The following ELOVL5 variants were observed in gnomAD, a reference collection of about 807,000 sequenced individuals.
ELOVL5 encodes the protein ELOVL fatty acid elongase 5, also known as very long chain fatty acid elongase 5.
A neutral mutation model predicts 38.6 loss-of-function variants in ELOVL5; 8 were observed. The ratio of observed to expected loss-of-function variants is 0.21; its 90% CI spans 0.12 to 0.37. The LOEUF (loss-of-function observed/expected upper bound fraction) is 0.37, where lower values mean the gene tolerates loss of function less well. Among genes scored for constraint, ELOVL5 ranks in the 10% least tolerant of loss-of-function variants. The pLI, the probability that ELOVL5 is intolerant of heterozygous loss-of-function variation, is 1.00. For synonymous variants in ELOVL5, 127 were observed against 133.7 expected (o/e 0.95, Z 0.34); for missense variants, 280 against 367.8 (o/e 0.76, Z 1.95).
intron 1 of ELOVL5, among the ~76,000 whole-genome samples, chr6:53,295,958 T>C (rs1020749148): frequency 6.6e-6 from 1 of 152,298 alleles, no homozygotes; most frequent in African/African-American, 2.4e-5. Context: ...CTTCTTTTCT[T>C]AGTTCCATAA....
intron 1 of ELOVL5, among the ~76,000 whole-genome samples, chr6:53,321,306 G>A (rs886230826): frequency 2.0e-5 from 3 of 152,290 alleles, no homozygotes; most frequent in African/African-American, 7.2e-5. Context: ...CACCATCCAC[G>A]GTTCTGCATT....
At chr6:53,291,725 CAATATGA>C in intron 3 of ELOVL5, 44 bp downstream of exon 3, 3 of 1,461,486 alleles carry the variant, frequency 2.1e-6, no homozygotes, top group Non-Finnish European at 2.8e-6. Context: ...TTTAGGACAG[CAATATGA>C]GTGCATTTAT....
chr6:53,287,758 G>C, intron 3 of ELOVL5: 1 of 982,024 alleles, frequency 1.0e-6, no homozygotes. Context: ...TAACAGATCG[G>C]CTAAGAAAGG....
chr6:53,338,861 T>C (rs1769198684), intron 1 of ELOVL5, among the ~76,000 whole-genome samples: 1 of 152,214 alleles, frequency 6.6e-6, no homozygotes, highest in South Asian at 2.1e-4. Flanking sequence ...TTCTCCAACC[T>C]AATTTGTGCA....
At chr6:53,345,916 T>G (rs1379710019) in intron 1 of ELOVL5, among the ~76,000 whole-genome samples, 1 of 152,204 alleles carries the variant, frequency 6.6e-6, no homozygotes, top group Non-Finnish European at 1.5e-5. Context: ...TCTTCCACTT[T>G]AAGTTATGCG....
intron 1 of ELOVL5, among the ~76,000 whole-genome samples, chr6:53,310,957 T>G (rs2127582697): frequency 6.6e-6 from 1 of 152,312 alleles, no homozygotes; most frequent in East Asian, 1.9e-4. Context: ...TTTTTCAGCT[T>G]AAAGGATTCT....
chr6:53,292,568 A>C (rs1766815517), intron 2 of ELOVL5, among the ~76,000 whole-genome samples: 1 of 152,248 alleles, frequency 6.6e-6, no homozygotes, highest in Non-Finnish European at 1.5e-5. Flanking sequence ...AGGCGGGTGG[A>C]TCACCTGAAG....
At chr6:53,346,024 G>A (rs567646230) in intron 1 of ELOVL5, among the ~76,000 whole-genome samples, 3 of 152,120 alleles carry the variant, frequency 2.0e-5, no homozygotes, top group East Asian at 1.9e-4. Context: ...TAAGCCCTGC[G>A]TGCATTAGGA....
chr6:53,311,654 AAAGG>A lies in ELOVL5; in HGVS notation c.-8-15951_-8-15948del, dbSNP rs147371403. Among the ~76,000 whole-genome samples the A allele has an allele frequency of 4.3e-3, 659 of 152,354 alleles. 7 individuals are homozygous for A. Among genetic ancestry groups the A allele is most frequent in the African/African-American group, 0.015 (636 of 41,586 alleles). On this transcript the variant is annotated intron_variant, in intron 1 of 7. Coordinates refer to ENST00000304434, the MANE Select transcript of ELOVL5 (RefSeq NM_021814.5). ...ACAATGGAATGTTATTTGGCCATTA[AAAGG>A]AAGACAGTACTGACATTTGCTATAT...
At chr6:53,290,804 T>C (rs1163211257) in intron 3 of ELOVL5, among the ~76,000 whole-genome samples, 2 of 152,098 alleles carry the variant, frequency 1.3e-5, no homozygotes, top group South Asian at 2.1e-4. Flanking sequence ...GGAGAATTCA[T>C]TTTGACCCCT....
chr6:53,327,367 T>C (rs1474326034), intron 1 of ELOVL5, among the ~76,000 whole-genome samples: 1 of 152,184 alleles, frequency 6.6e-6, no homozygotes, highest in Non-Finnish European at 1.5e-5. Flanking sequence ...ATGGTCACTC[T>C]TCACATGCTA....
At chr6:53,277,926 A>C (rs1159161333) in intron 3 of ELOVL5, among the ~76,000 whole-genome samples, 1 of 152,236 alleles carries the variant, frequency 6.6e-6, no homozygotes, top group South Asian at 2.1e-4. Flanking sequence ...TTGAGGGTAC[A>C]GAAAGGAAAC....
chr6:53,270,010 T>C (rs1765864297), intron 7 of ELOVL5, among the ~76,000 whole-genome samples: 2 of 152,304 alleles, frequency 1.3e-5, no homozygotes, highest in South Asian at 4.1e-4. Flanking sequence ...AGGACACATG[T>C]CATCTGGGGG....
rs376540465 is a variant in ELOVL5, at chr6:53,295,715, GA to G, written c.-8-9del. On this transcript the variant is annotated splice_polypyrimidine_tract_variant and intron_variant, in intron 1 of 7. Transcript: ENST00000304434. ...AATGTTCCATTTGAAAACCTATTAA[GA>G]AAAAAAAAGATACTGATTAATCTCT... 9.0e-5 allele frequency: 134 copies of G among 1,492,540 alleles called. No individual in the cohort carries two copies. The highest frequency in any genetic ancestry group is 2.4e-4 in the Admixed American group (11 of 45,346). 92.5% of individuals were successfully genotyped at this position (1,492,540 alleles called of 1,614,324 possible).
chr6:53,313,845 A>G (rs1767934320), intron 1 of ELOVL5, among the ~76,000 whole-genome samples: 1 of 152,242 alleles, frequency 6.6e-6, no homozygotes, highest in Admixed American at 6.5e-5. Context: ...TCACTATGTG[A>G]CTATAGCTTA....
chr6:53,270,291 T>C (rs1765873305), intron 7 of ELOVL5, among the ~76,000 whole-genome samples: 1 of 152,206 alleles, frequency 6.6e-6, no homozygotes, highest in South Asian at 2.1e-4. Context: ...GATTTCTGAT[T>C]GAAATCACCT....
intron 3 of ELOVL5, among the ~76,000 whole-genome samples, chr6:53,276,634 C>T (rs759644452): frequency 4.6e-5 from 7 of 152,068 alleles, no homozygotes; most frequent in Non-Finnish European, 7.4e-5. Flanking sequence ...GCCAGTGCTC[C>T]TCAAACTTGA....
At chr6:53,270,780 C>T (rs893055134) in intron 6 of ELOVL5, 53 bp from the exon 7 acceptor site, 3 of 1,594,442 alleles carry the variant, frequency 1.9e-6, no homozygotes, top group African/African-American at 2.7e-5. Context: ...GGACGAGGCC[C>T]CACACCAGGC....
chr6:53,294,513 A>C, intron 2 of ELOVL5: 1 of 1,543,284 alleles, frequency 6.5e-7, no homozygotes, highest in Non-Finnish European at 8.8e-7. Context: ...AAAGTAGAAA[A>C]TGACAAGAAC....
Sources: gnomAD v4.1 joint callset for allele counts (sites outside exome capture counted in the v4.1 genomes callset) on GRCh38, gnomAD v4.1.1 for gene constraint, MANE v1.5 for transcripts, NCBI Gene and HGNC (gene_info 2026-07-23, HGNC 2026-07-21) for gene names.